HDLBP: variants seen among roughly 807,000 people sequenced by gnomAD.
HDLBP encodes the protein vigilin.
Under a neutral mutation model 137.3 loss-of-function variants are expected in HDLBP, and 30 were observed. The ratio of observed to expected loss-of-function variants is 0.22; its 90% CI spans 0.16 to 0.30. The LOEUF is 0.30. Among genes scored for constraint, HDLBP ranks in the 10% least tolerant of loss-of-function variants. The pLI, the probability that HDLBP is intolerant of heterozygous loss-of-function variation, is 1.00. For synonymous variants in HDLBP, 606 were observed against 596.0 expected (o/e 1.02, Z -0.24); for missense variants, 1,119 against 1,667.3 (o/e 0.67, Z 5.73).
chr2:241,311,739 GA>G, intron 1 of HDLBP, among the ~76,000 whole-genome samples: 1 of 152,318 alleles, frequency 6.6e-6, no homozygotes, highest in African/African-American at 2.4e-5. Flanking sequence ...CCAGAAAAGT[GA>G]AAACAATCCT....
intron 1 of HDLBP, among the ~76,000 whole-genome samples, chr2:241,314,543 T>G (rs1335749253): frequency 6.6e-6 from 1 of 152,212 alleles, no homozygotes; most frequent in East Asian, 1.9e-4. Flanking sequence ...CAAATCGTCA[T>G]GTTCCTTAAG....
At chr2:241,268,641 A>G (rs569844638) in intron 1 of HDLBP, 100 bp from the exon 2 acceptor site, 1 of 314,836 alleles carries the variant, frequency 3.2e-6, no homozygotes, top group East Asian at 1.7e-4. Context: ...AAAATCAGAA[A>G]AGGTCAAGAT....
chr2:241,230,774 G>T lies in HDLBP; in HGVS notation c.3459C>A (p.Ile1153=), dbSNP rs747488885. 3 of 1,614,174 alleles carry T rather than the reference G, an allele frequency of 1.9e-6. No homozygotes were observed. The highest frequency in any genetic ancestry group is 2.2e-5 in the South Asian group (2 of 91,082). Residue 1153 remains isoleucine (I), a synonymous_variant, in exon 25 of 28, where the codon ATC becomes ATA. Transcript: ENST00000310931. The surrounding 1 kb of genome is among the most constrained non-coding windows in gnomAD (Gnocchi z 5.0). ...IGARGKAIRK[I]MDEFKVDIRF... ...GCCGGCTCACCTTGAATTCGTCCAT[G>T]ATTTTGCGAATGGCTTTGCCGCGGG...
chr2:241,230,089 G>A lies in HDLBP; in HGVS notation c.3591+64C>T, dbSNP rs2069562169. 1 of 1,587,554 alleles carries A rather than the reference G, an allele frequency of 6.3e-7. No individual in the cohort carries two copies. The highest frequency in any genetic ancestry group is 8.6e-7 in the Non-Finnish European group (1 of 1,157,878). On this transcript the variant is annotated intron_variant, in intron 26 of 27. Transcript: ENST00000310931. The surrounding 1 kb of genome is among the most constrained non-coding windows in gnomAD (Gnocchi z 5.0). ...GCCACCTTGTCCCCTGAAGCTCCTG[G>A]CTGGGCCTCAGGCCGGTGGACGTGC...
chr2:241,307,215 T>A (rs2075611979), intron 1 of HDLBP, among the ~76,000 whole-genome samples: 1 of 152,182 alleles, frequency 6.6e-6, no homozygotes, highest in Non-Finnish European at 1.5e-5. Context: ...AAGGTCTACC[T>A]CAAGAACTTC....
chr2:241,229,916 G>A lies in HDLBP; in HGVS notation c.3637C>T (p.Pro1213Ser), dbSNP rs1229842354. ...DSEALQVYMK[P>S]PAHEEAKAPS... Reference sequence around the variant, plus strand: ...GCCTTGGCCTCTTCGTGTGCTGGGGGTTTCATGTATACCTGCAGCGCCTCA... The same window carrying A: ...GCCTTGGCCTCTTCGTGTGCTGGGGATTTCATGTATACCTGCAGCGCCTCA... The change falls in exon 27 of 28, where the codon CCC (proline) becomes TCC (serine). Residue 1213 changes from proline to serine, a missense_variant. Physicochemically the swap from Pro to Ser is moderately conservative, Grantham distance 74. Around this residue, in one of 4 missense-constraint regions of HDLBP, gnomAD observed 618 missense variants for 816.7 expected, o/e 0.76. Transcript: ENST00000310931. The A allele has an allele frequency of 2.5e-6, 4 of 1,602,574 alleles. No homozygotes were observed. Among genetic ancestry groups the A allele is most frequent in the Non-Finnish European group, 2.6e-6 (3 of 1,174,112 alleles).
chr2:241,305,037 C>T (rs2075524319), intron 1 of HDLBP, among the ~76,000 whole-genome samples: 2 of 152,210 alleles, frequency 1.3e-5, no homozygotes, highest in Admixed American at 6.5e-5. Flanking sequence ...TTTTTTATTA[C>T]TATTATCATC....
At chr2:241,284,151 T>G (rs1172081667) in intron 1 of HDLBP, among the ~76,000 whole-genome samples, 1 of 152,260 alleles carries the variant, frequency 6.6e-6, no homozygotes, top group African/African-American at 2.4e-5. Flanking sequence ...ACAGCCATTC[T>G]GCAGCCCATG....
chr2:241,241,532 A>G (rs995655206), intron 17 of HDLBP, among the ~76,000 whole-genome samples: 9 of 130,452 alleles, frequency 6.9e-5, no homozygotes, highest in Admixed American at 2.9e-4. Context: ...GCGCCACTAC[A>G]CTCCAGCCTG....
chr2:241,298,896 C>G (rs2075286935), intron 1 of HDLBP, among the ~76,000 whole-genome samples: 1 of 152,210 alleles, frequency 6.6e-6, no homozygotes, highest in African/African-American at 2.4e-5. Context: ...AGGAACCATT[C>G]CAGTTTGAAA....
chr2:241,266,746 A>T (rs2073704163), intron 3 of HDLBP, 48 bp downstream of exon 3: 1 of 1,180,540 alleles, frequency 8.5e-7, no homozygotes, highest in Non-Finnish European at 1.3e-6. Context: ...CTTTAGAGGG[A>T]GCAATGCCTT....
In HDLBP at chr2:241,240,234, A is replaced by C. The variant is rs2071070408; in HGVS notation, c.2170-112T>G. The stretch of plus-strand genomic sequence containing the variant: ...CTCGGGCTCCCCTTACATTGTCACC[A>C]GTGTCCTGATGTTGCACCAATACCC... On this transcript the variant is annotated intron_variant, in intron 17 of 27. Transcript: ENST00000310931. The surrounding 1 kb of genome is among the most constrained non-coding windows in gnomAD (Gnocchi z 5.5). 9.7e-7 allele frequency: 1 copy of C among 1,032,454 alleles called. No homozygotes were observed. Among genetic ancestry groups the C allele is most frequent in the Admixed American group, 1.8e-5 (1 of 56,698 alleles). The allele number at this position is 1,032,454 out of a possible 1,614,324, so 64.0% of individuals were successfully genotyped here.
In HDLBP at chr2:241,268,406, T is replaced by TA. The variant is rs992635079; in HGVS notation, c.-38+70dup. 17 of 929,602 alleles carry TA rather than the reference T, an allele frequency of 1.8e-5. 1 individual carries two copies. The African/African-American group carries it at 2.7e-4, about 15-fold the overall frequency. 57.6% of individuals were successfully genotyped at this position (929,602 alleles called of 1,614,324 possible). ...GAAGGTACACACAGGACTAAGAAAA[T>TA]ACGCATCCCTGCGCCCCCAGGTCCA... On this transcript the variant is annotated intron_variant, in intron 2 of 27. Transcript: ENST00000310931.
At chr2:241,298,809 A>G (rs1393854563) in intron 1 of HDLBP, among the ~76,000 whole-genome samples, 1 of 152,220 alleles carries the variant, frequency 6.6e-6, no homozygotes, top group African/African-American at 2.4e-5. Context: ...AATCAAAAGG[A>G]AACACCAAAC....
chr2:241,289,226 T>C (rs1314555664), intron 1 of HDLBP, among the ~76,000 whole-genome samples: 2 of 152,204 alleles, frequency 1.3e-5, no homozygotes, highest in East Asian at 3.8e-4. Flanking sequence ...CAATGTGCGA[T>C]CTGCTGCTGA....
chr2:241,273,745 C>CCATTCCCTGGGTA, intron 1 of HDLBP: 1 of 862,394 alleles, frequency 1.2e-6, no homozygotes, highest in Non-Finnish European at 1.4e-6. Flanking sequence ...CAGCCTTACC[C>CCATTCCCTGGGTA]AGGGAATGGG....
chr2:241,237,970 T>C (rs2070763140), intron 20 of HDLBP, among the ~76,000 whole-genome samples: 1 of 152,238 alleles, frequency 6.6e-6, no homozygotes, highest in Non-Finnish European at 1.5e-5. Context: ...TGACACTATG[T>C]GCACTCAGCA....
At chr2:241,261,082 C>A (rs1176273563) in intron 5 of HDLBP, among the ~76,000 whole-genome samples, 1 of 150,966 alleles carries the variant, frequency 6.6e-6, no homozygotes, top group African/African-American at 2.4e-5. Context: ...GCAGTCTCAA[C>A]TACTTGAAGG....
chr2:241,314,469 T>C (rs1328136412), intron 1 of HDLBP, among the ~76,000 whole-genome samples: 2 of 152,202 alleles, frequency 1.3e-5, no homozygotes, highest in Non-Finnish European at 2.9e-5. Flanking sequence ...TGTGAAGTCA[T>C]TGATTGAGGG....
Sources: gnomAD v4.1 joint callset for allele counts (sites outside exome capture counted in the v4.1 genomes callset) on GRCh38, gnomAD v4.1.1 for gene constraint, gnomAD v4.1.1 regional missense constraint, Gnocchi (gnomAD v3.1) non-coding constraint, MANE v1.5 for transcripts, NCBI Gene and HGNC (gene_info 2026-07-23, HGNC 2026-07-21) for gene names.